MTRR: variants seen among roughly 807,000 people sequenced by gnomAD.
MTRR encodes methionine synthase reductase.
In MTRR, 63 loss-of-function variants were observed where a neutral mutation model predicts 79.2. The observed-to-expected ratio is 0.80, with a 90% CI of 0.65 to 0.98. MTRR has a LOEUF of 0.98. Ranked by LOEUF, MTRR falls within the 50% of genes least tolerant of loss-of-function variation. The probability of loss-of-function intolerance (pLI) is 0.00; values close to 1 mark genes in which losing one functional copy is unlikely to be tolerated. For missense variants in MTRR, 895 were observed against 839.6 expected (o/e 1.07, Z -0.82); for synonymous variants, 355 against 313.3 (o/e 1.13, Z -1.41).
chr5:7,893,603 A>G (rs1305916655), intron 11 of MTRR: 2 of 152,324 alleles, frequency 1.3e-5, no homozygotes, highest in East Asian at 3.9e-4. Flanking sequence ...GCAACAGTTT[A>G]AAGTTGTCCA....
At position 7,885,818 on chromosome 5, in the gene MTRR, G is replaced by A. The variant is rs74790259; in HGVS notation, c.1021G>A (p.Val341Ile). ...LQLEDKREHC[V>I]LLKIKADTKK... ...GCTTGAAGATAAAAGAGAGCACTGCGTCCTTTTGAAAATAAAGGCAGACAC... is the reference window on the plus strand; with the variant it reads ...GCTTGAAGATAAAAGAGAGCACTGCATCCTTTTGAAAATAAAGGCAGACAC... The change falls in exon 7 of 15, where the codon GTC becomes ATC. Residue 341 changes from valine (V) to isoleucine (I), a missense_variant. Coordinates refer to ENST00000440940, the MANE Select transcript of MTRR (RefSeq NM_002454.3). 1,357 of 1,614,058 alleles carry A rather than the reference G, an allele frequency of 8.4e-4. 1 individual carries two copies. The highest frequency in any genetic ancestry group is 1.1e-3 in the Non-Finnish European group (1,288 of 1,179,998).
intron 5 of MTRR, among the ~76,000 whole-genome samples, chr5:7,878,523 TTGAGCTGCAATAGCAGAGTTAG>T (rs1366998951): frequency 2.0e-5 from 3 of 152,264 alleles, no homozygotes; most frequent in African/African-American, 7.2e-5. Flanking sequence ...ATGACAGCTT[TTGAGCTGCAATAGCAGAGTTAG>T]TGGTTACCAC....
intron 12 of MTRR, 157 bp from the exon 13 acceptor site, chr5:7,896,707 T>G: frequency 1.5e-6 from 1 of 687,114 alleles, no homozygotes; most frequent in Non-Finnish European, 2.6e-6. Flanking sequence ...CATGACAGCC[T>G]GTGGAGAGTA....
chr5:7,880,420 T>C (rs1286005289), intron 5 of MTRR, among the ~76,000 whole-genome samples: 1 of 152,348 alleles, frequency 6.6e-6, no homozygotes, highest in South Asian at 2.1e-4. Flanking sequence ...CCTGAGGCCA[T>C]GCTAGTCTAC....
chr5:7,860,828 C>T (rs1746484979), intron 1 of MTRR, among the ~76,000 whole-genome samples: 1 of 152,320 alleles, frequency 6.6e-6, no homozygotes, highest in African/African-American at 2.4e-5. Flanking sequence ...AGAACTTAAG[C>T]TCAACCAATC....
rs1747819288 is a variant in MTRR at position 7,870,759 on chromosome 5, C to T, written c.-25-11C>T. ...CATTAAAAAGAGGATCTTTTTTCCC[C>T]CATTTTTCAGTTTCACTGTTACATG... On this transcript the variant is annotated splice_polypyrimidine_tract_variant and intron_variant, in intron 1 of 14. Transcript: ENST00000440940. The T allele has an allele frequency of 1.9e-6, 3 of 1,613,974 alleles. No individual in the cohort carries two copies. The highest frequency in any genetic ancestry group is 2.2e-5 in the East Asian group (1 of 44,870).
chr5:7,851,599 G>A (rs1168051824), intron 1 of MTRR: 2 of 152,122 alleles, frequency 1.3e-5, no homozygotes, highest in Admixed American at 6.6e-5. Flanking sequence ...AGTCCAAAAC[G>A]TTATCATTTC....
chr5:7,864,087 G>A (rs1311715974), intron 2 of MTRR, among the ~76,000 whole-genome samples: 6 of 152,190 alleles, frequency 3.9e-5, no homozygotes, highest in Non-Finnish European at 8.8e-5. Flanking sequence ...CTGACCTCAG[G>A]TGATCCACCC....
chr5:7,861,196 C>T, intron 1 of MTRR: 1 of 1,612,692 alleles, frequency 6.2e-7, no homozygotes, highest in Admixed American at 1.7e-5. Flanking sequence ...TGTTTAATAG[C>T]TTCTTTCCCC....
chr5:7,877,744 A>G (rs1734819346), intron 4 of MTRR, among the ~76,000 whole-genome samples, 200 bp from the exon 5 acceptor site: 1 of 152,086 alleles, frequency 6.6e-6, no homozygotes, highest in South Asian at 2.1e-4. Flanking sequence ...TCATGTTTTC[A>G]GCTACGGTGC....
At position 7,885,862 on chromosome 5, in the gene MTRR, C is replaced by G. The variant is rs1325906968; in HGVS notation, c.1057+8C>G. On this transcript the variant is annotated splice_region_variant and intron_variant, in intron 7 of 14. Coordinates refer to ENST00000440940, the MANE Select transcript of MTRR (RefSeq NM_002454.3). ...CAGACACAAAGAAGAAAGGTAACAG[C>G]CCTGATGCTGTGACGTTGGGGTGTT... 1.2e-6 allele frequency: 2 copies of G among 1,614,032 alleles called. No homozygotes were observed. Among genetic ancestry groups the G allele is most frequent in the Non-Finnish European group, 8.5e-7 (1 of 1,179,970 alleles).
chr5:7,897,043 TC>T, intron 13 of MTRR, 21 bp from the exon 14 acceptor site: 2 of 1,613,244 alleles, frequency 1.2e-6, no homozygotes, highest in South Asian at 1.1e-5. Context: ...CTTTTAGTGA[TC>T]CATTATATAT....
chr5:7,875,179 T>C, intron 3 of MTRR, 79 bp from the exon 4 acceptor site: 1 of 936,066 alleles, frequency 1.1e-6, no homozygotes, highest in Middle Eastern at 2.1e-4. Flanking sequence ...AGTATTATTT[T>C]AGATATTTTA....
intron 9 of MTRR, chr5:7,890,206 A>G (rs1737313296): frequency 4.2e-6 from 4 of 961,694 alleles, no homozygotes; most frequent in Non-Finnish European, 2.5e-6. Context: ...GCCCAGTACA[A>G]TTAAAGGCAC....
intron 1 of MTRR, among the ~76,000 whole-genome samples, chr5:7,853,870 T>C (rs1746146707): frequency 6.6e-6 from 1 of 151,976 alleles, no homozygotes; most frequent in Non-Finnish European, 1.5e-5. Context: ...GACAGGGGCA[T>C]GTACTGGAGG....
chr5:7,894,196 A>T (rs191861136), intron 11 of MTRR, among the ~76,000 whole-genome samples: 1 of 152,340 alleles, frequency 6.6e-6, no homozygotes, highest in East Asian at 1.9e-4. Context: ...TGAAGGATAT[A>T]ATTTAAAACT....
intron 5 of MTRR, among the ~76,000 whole-genome samples, chr5:7,881,822 GT>G (rs1735647408): frequency 6.6e-6 from 1 of 151,996 alleles, no homozygotes; most frequent in Non-Finnish European, 1.5e-5. Context: ...CTCTTCTGCT[GT>G]TTCTCTCTAG....
chr5:7,866,072 C>T, upstream of MTRR: 1 of 939,018 alleles, frequency 1.1e-6, no homozygotes, highest in Admixed American at 1.8e-5. Context: ...AATTTACACA[C>T]TCCAGACAGA....
In MTRR at chr5:7,892,789, C is replaced by G. The variant is rs1358640424; in HGVS notation, c.1433C>G (p.Thr478Ser). ...TTCAACATTGTGGAATTTCTGTCTA[C>G]TGCCACAACAGAGGTTCTGCGGAAG... The part of the protein sequence containing the change: ...FVFNIVEFLS[T>S]ATTEVLRKGV... Residue 478 changes from threonine (T) to serine (S), a missense_variant, in exon 11 of 15, where the codon ACT (threonine) becomes AGT (serine). Physicochemically the swap from Thr to Ser is moderately conservative, Grantham distance 58. Coordinates refer to ENST00000440940, the MANE Select transcript of MTRR (RefSeq NM_002454.3). 6.2e-7 allele frequency: 1 copy of G among 1,614,220 alleles called. No individual in the cohort carries two copies. Among genetic ancestry groups the G allele is most frequent in the Non-Finnish European group, 8.5e-7 (1 of 1,180,036 alleles).
Sources: gnomAD v4.1 joint callset for allele counts (sites outside exome capture counted in the v4.1 genomes callset) on GRCh38, gnomAD v4.1.1 for gene constraint, MANE v1.5 for transcripts, NCBI Gene and HGNC (gene_info 2026-07-23, HGNC 2026-07-21) for gene names.